The following BRSK1 variants were observed in gnomAD, a reference collection of about 807,000 sequenced individuals.
BRSK1 encodes serine/threonine-protein kinase BRSK1.
In BRSK1, 17 loss-of-function variants were observed where a neutral mutation model predicts 86.2. The observed-to-expected ratio is 0.20, with a 90% CI of 0.14 to 0.30. BRSK1 has a LOEUF of 0.30. BRSK1 is among the 10% of genes least tolerant of loss of function. The pLI, the probability that BRSK1 is intolerant of heterozygous loss-of-function variation, is 1.00. For synonymous variants in BRSK1, 464 were observed against 440.1 expected, an observed-to-expected ratio of 1.05 and a Z score of -0.68; for missense variants, 719 against 1,071.9, an observed-to-expected ratio of 0.67 and a Z score of 4.60.
Position 55,287,490 on chromosome 19 carries a change from G to A in BRSK1, c.317+191G>A, listed in dbSNP as rs976643486. On this transcript the variant is annotated intron_variant, in intron 3 of 18. Coordinates refer to ENST00000309383, the MANE Select transcript of BRSK1 (RefSeq NM_032430.2). The surrounding 1 kb of genome is among the most constrained non-coding windows in gnomAD (Gnocchi z 5.3). ...ACACAGGGAACCCCACTGTTGTCAC[G>A]CTGTGTTGGGCCTGAGGCCAAGGGC... Among the ~76,000 whole-genome samples the A allele has an allele frequency of 3.9e-5, 6 of 152,162 alleles. 1 individual carries two copies. The South Asian group carries it at 6.2e-4, about 16-fold the overall frequency.
At position 55,304,482 on chromosome 19, in the gene BRSK1, G is replaced by C. The variant is rs990890301; in HGVS notation, c.1348-69G>C. On this transcript the variant is annotated intron_variant, in intron 13 of 18. Coordinates refer to ENST00000309383, the MANE Select transcript of BRSK1 (RefSeq NM_032430.2). This position sits in a 1 kb window ranked among gnomAD's most constrained non-coding sequence, Gnocchi z 5.2. ...GGCCAGCGTCCGTGAGTGTGCGTGTGAGTGGGGCTCCTAGAGCCTCCTGGG... is the reference window on the plus strand; with the variant it reads ...GGCCAGCGTCCGTGAGTGTGCGTGTCAGTGGGGCTCCTAGAGCCTCCTGGG... The C allele has an allele frequency of 1.4e-6, 2 of 1,463,052 alleles. No individual in the cohort carries two copies. The highest frequency in any genetic ancestry group is 4.8e-5 in the East Asian group (2 of 41,874). 90.6% of individuals were successfully genotyped at this position (1,463,052 alleles called of 1,614,324 possible).
chr19:55,311,840 C>A, intron 18 of BRSK1, 71 bp from the exon 19 acceptor site: 5 of 1,526,856 alleles, frequency 3.3e-6, no homozygotes, highest in Non-Finnish European at 2.7e-6. Flanking sequence ...AGACTCTGCC[C>A]CCATCCCCTG....
chr19:55,307,375 C>A (rs1469269922), intron 17 of BRSK1, among the ~76,000 whole-genome samples: 3 of 151,808 alleles, frequency 2.0e-5, no homozygotes, highest in Admixed American at 6.6e-5. Flanking sequence ...CATGGTGAAA[C>A]CTGTCTCTAC....
intron 7 of BRSK1, among the ~76,000 whole-genome samples, chr19:55,301,026 C>T (rs557559713): frequency 5.3e-4 from 81 of 152,304 alleles, no homozygotes; most frequent in Non-Finnish European, 9.7e-4. Flanking sequence ...CCTGCGTCCT[C>T]GTCTCCTCTT....
In BRSK1 at chr19:55,294,104, G is replaced by T; in HGVS notation, c.546G>T (p.Val182=). Residue 182 remains valine (V), a synonymous_variant, in exon 5 of 19, where the codon GTG becomes GTT. Coordinates refer to ENST00000309383, the MANE Select transcript of BRSK1 (RefSeq NM_032430.2). This position sits in a 1 kb window ranked among gnomAD's most constrained non-coding sequence, Gnocchi z 4.9. ...ACTTCGGCATGGCGTCCCTGCAGGT[G>T]GGGGACAGCCTCCTGGAGACCAGCT... ...IADFGMASLQ[V]GDSLLETSCG... The T allele has an allele frequency of 1.2e-6, 2 of 1,613,830 alleles. No homozygotes were observed. The highest frequency in any genetic ancestry group is 1.1e-5 in the South Asian group (1 of 91,064).
At chr19:55,308,075 C>A (rs2122997209) in intron 17 of BRSK1, among the ~76,000 whole-genome samples, 1 of 147,708 alleles carries the variant, frequency 6.8e-6, no homozygotes, top group African/African-American at 2.5e-5. Flanking sequence ...GGCTGGAGTG[C>A]AATGGCGTGA....
Position 55,302,807 on chromosome 19 carries a change from T to G in BRSK1, c.968T>G (p.Met323Arg). Residue 323 changes from methionine to arginine, a missense_variant, in exon 10 of 19, where the codon ATG (methionine) becomes AGG (arginine). By Grantham distance (91) the Met-to-Arg change is moderately conservative (BLOSUM62 -1). Around this residue, in one of 6 missense-constraint regions of BRSK1, gnomAD observed 168 missense variants for 246.3 expected, o/e 0.68. Transcript: ENST00000309383. The surrounding 1 kb of genome is among the most constrained non-coding windows in gnomAD (Gnocchi z 6.3). ...GELDPDVLESMASLGCFRDRE... is the reference protein window; with the variant it reads ...GELDPDVLESRASLGCFRDRE... ...CTGGACCCCGACGTCCTAGAGAGCA[T>G]GGCATCACTGGGCTGCTTCAGGGAC... 6.2e-7 allele frequency: 1 copy of G among 1,613,768 alleles called. No individual in the cohort carries two copies. Among genetic ancestry groups the G allele is most frequent in the Non-Finnish European group, 8.5e-7 (1 of 1,179,938 alleles).
chr19:55,307,219 C>T (rs535650547), intron 17 of BRSK1, among the ~76,000 whole-genome samples: 1 of 152,276 alleles, frequency 6.6e-6, no homozygotes, highest in South Asian at 2.1e-4. Context: ...GTGGGTGTTC[C>T]GTCACCAAAA....
rs1600166047 is a variant in BRSK1 at position 55,284,542 on chromosome 19, T to C, written c.100T>C (p.Tyr34His). The change falls in exon 1 of 19, where the codon TAT becomes CAT. Residue 34 changes from tyrosine (Y) to histidine (H), a missense_variant. Physicochemically the swap from Tyr to His is moderately conservative, Grantham distance 83. Around this residue, in one of 6 missense-constraint regions of BRSK1, gnomAD observed 71 missense variants for 92.6 expected, o/e 0.77. Coordinates refer to ENST00000309383, the MANE Select transcript of BRSK1 (RefSeq NM_032430.2). ...PPQHAQYVGPYRLEKTLGKGQ... is the reference protein window; with the variant it reads ...PPQHAQYVGPHRLEKTLGKGQ... ...CCAGCACGCCCAATATGTGGGCCCC[T>C]ATCGGCTGGAGAAGACGCTGGGCAA... 1.1e-6 allele frequency: 1 copy of C among 903,926 alleles called. No homozygotes were observed. Among genetic ancestry groups the C allele is most frequent in the Non-Finnish European group, 1.4e-6 (1 of 717,736 alleles). The allele number at this position is 903,926 out of a possible 1,614,324, so 56.0% of individuals were successfully genotyped here. A position where few individuals can be genotyped will look rare whatever the true frequency, so the allele number is the denominator to read the frequency against.
At chr19:55,300,494 GGACTTCAA>G (rs1432594688) in intron 7 of BRSK1, among the ~76,000 whole-genome samples, 2 of 152,254 alleles carry the variant, frequency 1.3e-5, no homozygotes, top group African/African-American at 4.8e-5. Context: ...CCTGAGGTCA[GGACTTCAA>G]GACCAGCCTG....
intron 7 of BRSK1, among the ~76,000 whole-genome samples, chr19:55,299,088 G>A (rs935046154): frequency 1.3e-5 from 2 of 152,092 alleles, no homozygotes; most frequent in Non-Finnish European, 1.5e-5. Context: ...CCCGGGAGGC[G>A]GAGGCTGCAG....
Position 55,303,831 on chromosome 19 carries a change from G to A in BRSK1, c.1286+5G>A. 1 of 1,563,876 alleles carries A rather than the reference G, an allele frequency of 6.4e-7. No individual in the cohort carries two copies. Among genetic ancestry groups the A allele is most frequent in the Non-Finnish European group, 8.7e-7 (1 of 1,155,052 alleles). ...GATGGCCCAGCACAGCCAGAGGTGG[G>A]AGCCCCTGTCCCTCCAGGAGGATCC... On this transcript the variant is annotated splice_donor_5th_base_variant and intron_variant, in intron 12 of 18. Coordinates refer to ENST00000309383, the MANE Select transcript of BRSK1 (RefSeq NM_032430.2). The surrounding 1 kb of genome is among the most constrained non-coding windows in gnomAD (Gnocchi z 5.1).
intron 1 of BRSK1, 62 bp downstream of exon 1, chr19:55,284,640 G>A (rs955476501): frequency 1.5e-4 from 188 of 1,245,584 alleles, no homozygotes; most frequent in Non-Finnish European, 1.8e-4. Flanking sequence ...GGCAGAGGCG[G>A]GACTCAGGGT....
chr19:55,311,053 C>T (rs966485067), intron 18 of BRSK1, among the ~76,000 whole-genome samples: 2 of 152,120 alleles, frequency 1.3e-5, no homozygotes, highest in African/African-American at 4.8e-5. Flanking sequence ...TTCCACCTCC[C>T]GGGTTTCAAA....
rs771530018 is a variant in BRSK1 at position 55,312,013 on chromosome 19, G to A, written c.2282G>A (p.Arg761Gln). The change falls in exon 19 of 19, where the codon CGA (arginine) becomes CAA (glutamine). Residue 761 changes from arginine (R) to glutamine (Q), a missense_variant. Around this residue, in one of 6 missense-constraint regions of BRSK1, gnomAD observed 82 missense variants for 72.6 expected, o/e 1.13. Coordinates refer to ENST00000309383, the MANE Select transcript of BRSK1 (RefSeq NM_032430.2). The part of the protein sequence containing the change: ...PDPELSSSPR[R>Q]GPPKDKKLLA... ...CCAGAGCTGAGCAGCTCTCCCCGCC[G>A]AGGCCCCCCCAAGGACAAGAAGCTC... 4.5e-5 allele frequency: 66 copies of A among 1,453,074 alleles called. No homozygotes were observed. The highest frequency in any genetic ancestry group is 2.0e-4 in the Middle Eastern group (1 of 4,944). The allele number at this position is 1,453,074 out of a possible 1,614,324, so 90.0% of individuals were successfully genotyped here. A position where few individuals can be genotyped will look rare whatever the true frequency, so the allele number is the denominator to read the frequency against.
chr19:55,302,614 G>A lies in BRSK1; in HGVS notation c.858-83G>A. ...GGGCCGGGGCCTAGACTCGGATTTC[G>A]GGGTCCGGGATCATTGAGTCTAGAA... On this transcript the variant is annotated intron_variant, in intron 9 of 18. Coordinates refer to ENST00000309383, the MANE Select transcript of BRSK1 (RefSeq NM_032430.2). This position sits in a 1 kb window ranked among gnomAD's most constrained non-coding sequence, Gnocchi z 6.3. 2 of 1,503,424 alleles carry A rather than the reference G, an allele frequency of 1.3e-6. No homozygotes were observed. Among genetic ancestry groups the A allele is most frequent in the African/African-American group, 1.4e-5 (1 of 71,814 alleles). The allele number at this position is 1,503,424 out of a possible 1,614,324, so 93.1% of individuals were successfully genotyped here.
In BRSK1 at chr19:55,287,709, C is replaced by T. The variant is rs2088339636; in HGVS notation, c.317+410C>T. On this transcript the variant is annotated intron_variant, in intron 3 of 18. Coordinates refer to ENST00000309383, the MANE Select transcript of BRSK1 (RefSeq NM_032430.2). This position sits in a 1 kb window ranked among gnomAD's most constrained non-coding sequence, Gnocchi z 5.3. The stretch of plus-strand genomic sequence containing the variant: ...ACCCCAACTCTGGAGCACTGGAGAG[C>T]CCCCCTCCTCCCCCGGCATAACTTC... Among the ~76,000 whole-genome samples, 1 of 152,222 alleles carries T rather than the reference C, an allele frequency of 6.6e-6. No individual in the cohort carries two copies. The highest frequency in any genetic ancestry group is 2.4e-5 in the African/African-American group (1 of 41,466).
At chr19:55,289,920 G>A (rs1390460950) in intron 4 of BRSK1, among the ~76,000 whole-genome samples, 1 of 151,986 alleles carries the variant, frequency 6.6e-6, no homozygotes, top group East Asian at 1.9e-4. Context: ...GGCAACCTAT[G>A]TTCTGTCTGT....
At chr19:55,300,828 C>T (rs971863914) in intron 7 of BRSK1, among the ~76,000 whole-genome samples, 4 of 151,970 alleles carry the variant, frequency 2.6e-5, no homozygotes, top group South Asian at 2.1e-4. Context: ...GCGACAAGAG[C>T]GAAACTCCAT....
Sources: allele counts gnomAD v4.1 joint callset (sites outside exome capture counted in the v4.1 genomes callset), GRCh38; gene constraint gnomAD v4.1.1; regional missense constraint gnomAD v4.1.1; non-coding constraint Gnocchi (gnomAD v3.1); transcripts MANE v1.5; gene names NCBI Gene and HGNC (gene_info 2026-07-23, HGNC 2026-07-21).